Variants in KIAA0825 observed in about 807,000 individuals in gnomAD.
KIAA0825 encodes the protein KIAA0825, also known as uncharacterized protein KIAA0825.
In KIAA0825, 119 loss-of-function variants were observed where a neutral mutation model predicts 147.6. The observed-to-expected ratio is 0.81, with a 90% CI of 0.69 to 0.94. KIAA0825 has a LOEUF of 0.94. Among genes scored for constraint, KIAA0825 ranks in the 40% least tolerant of loss-of-function variants. The pLI is 0.00. For missense variants in KIAA0825, 1,381 were observed against 1,472.7 expected, an observed-to-expected ratio of 0.94 and a Z score of 1.02; for synonymous variants, 470 against 518.1, an observed-to-expected ratio of 0.91 and a Z score of 1.26.
intron 4 of KIAA0825, 55 bp from the exon 5 acceptor site, chr5:94,520,972 C>A (rs1309143062): frequency 7.5e-7 from 1 of 1,326,182 alleles, no homozygotes; most frequent in Non-Finnish European, 1.0e-6. Flanking sequence ...AAAATGATTT[C>A]TATAGTCATA....
intron 20 of KIAA0825, among the ~76,000 whole-genome samples, chr5:94,308,168 A>T (rs760505919): frequency 6.6e-6 from 1 of 151,786 alleles, no homozygotes; most frequent in Non-Finnish European, 1.5e-5. Flanking sequence ...AATGAAATGA[A>T]ATTCTACAAA....
At chr5:94,478,164 T>G (rs1762107605) in intron 6 of KIAA0825, among the ~76,000 whole-genome samples, 1 of 152,238 alleles carries the variant, frequency 6.6e-6, no homozygotes, top group African/African-American at 2.4e-5. Flanking sequence ...TAATTGTGAA[T>G]GATTTCTAAG....
intron 12 of KIAA0825, among the ~76,000 whole-genome samples, chr5:94,454,399 C>T (rs958314680): frequency 6.6e-6 from 1 of 152,176 alleles, no homozygotes; most frequent in Non-Finnish European, 1.5e-5. Flanking sequence ...TGACCCTTCT[C>T]TCCCCCTGGT....
At chr5:94,491,658 A>C (rs1763748369) in intron 5 of KIAA0825, among the ~76,000 whole-genome samples, 1 of 152,292 alleles carries the variant, frequency 6.6e-6, no homozygotes, top group Non-Finnish European at 1.5e-5. Context: ...CCTTTTCTTG[A>C]GGCATTATTG....
At chr5:94,281,304 A>G (rs1437528470) in intron 20 of KIAA0825, among the ~76,000 whole-genome samples, 7 of 152,034 alleles carry the variant, frequency 4.6e-5, no homozygotes. Flanking sequence ...CATAAATAAG[A>G]AAGTGGCATG....
intron 15 of KIAA0825, among the ~76,000 whole-genome samples, chr5:94,404,883 A>C (rs1012455833): frequency 1.3e-5 from 2 of 152,152 alleles, no homozygotes; most frequent in Non-Finnish European, 2.9e-5. Flanking sequence ...CCTCATTTAT[A>C]AAATGGTGAG....
chr5:94,386,455 T>C, intron 18 of KIAA0825, 51 bp from the exon 19 acceptor site: 1 of 1,456,240 alleles, frequency 6.9e-7, no homozygotes, highest in Non-Finnish European at 9.3e-7. Context: ...AGACATTCTC[T>C]GTAAAAATAA....
At chr5:94,572,672 T>C (rs1181986994) in intron 2 of KIAA0825, among the ~76,000 whole-genome samples, 1 of 152,178 alleles carries the variant, frequency 6.6e-6, no homozygotes, top group African/African-American at 2.4e-5. Flanking sequence ...TAGAACTATA[T>C]ATACAGCATA....
At chr5:94,407,600 A>G (rs974799866) in intron 15 of KIAA0825, among the ~76,000 whole-genome samples, 2 of 152,244 alleles carry the variant, frequency 1.3e-5, no homozygotes, top group African/African-American at 4.8e-5. Context: ...CAAAATGCAC[A>G]TACTGCATGA....
chr5:94,438,753 A>T (rs575507502), intron 14 of KIAA0825, among the ~76,000 whole-genome samples: 1 of 152,320 alleles, frequency 6.6e-6, no homozygotes, highest in African/African-American at 2.4e-5. Flanking sequence ...GAAAACAAAG[A>T]TTATCAGAAA....
chr5:94,584,140 G>A (rs1329373477), intron 1 of KIAA0825, among the ~76,000 whole-genome samples: 1 of 152,132 alleles, frequency 6.6e-6, no homozygotes, highest in Non-Finnish European at 1.5e-5. Flanking sequence ...TCCTCCAAAG[G>A]AACACAACTC....
At chr5:94,414,401 G>T (rs535782673) in intron 15 of KIAA0825, 1 of 152,060 alleles carries the variant, frequency 6.6e-6, no homozygotes, top group Non-Finnish European at 1.5e-5. Flanking sequence ...GAAAACATAG[G>T]TGTCCAATGA....
chr5:94,390,520 A>T (rs1290404393), intron 18 of KIAA0825, among the ~76,000 whole-genome samples: 6 of 152,186 alleles, frequency 3.9e-5, no homozygotes, highest in African/African-American at 1.4e-4. Context: ...TTACAAACTG[A>T]GCTCTCGTGC....
chr5:94,338,800 C>T (rs964301844), intron 20 of KIAA0825, among the ~76,000 whole-genome samples: 3 of 151,922 alleles, frequency 2.0e-5, no homozygotes, highest in Admixed American at 6.6e-5. Flanking sequence ...CATTTCTCAG[C>T]AATAAGCAAT....
intron 20 of KIAA0825, among the ~76,000 whole-genome samples, chr5:94,269,224 T>C (rs2150140597): frequency 6.6e-6 from 1 of 152,242 alleles, no homozygotes; most frequent in South Asian, 2.1e-4. Context: ...GGTTATAAGA[T>C]AGTATTTGAA....
At chr5:94,452,911 A>T in intron 13 of KIAA0825, 48 bp downstream of exon 13, 2 of 992,600 alleles carry the variant, frequency 2.0e-6, no homozygotes, top group Non-Finnish European at 2.8e-6. Flanking sequence ...ATTAAATTTT[A>T]AAAGGAATCA....
At chr5:94,475,743 A>T (rs1256632780) in intron 7 of KIAA0825, among the ~76,000 whole-genome samples, 3 of 152,174 alleles carry the variant, frequency 2.0e-5, no homozygotes, top group Non-Finnish European at 4.4e-5. Context: ...TGGGAGGCGG[A>T]GATTGCAGTG....
At chr5:94,595,623 C>T (rs1458870609) in intron 1 of KIAA0825, among the ~76,000 whole-genome samples, 2 of 152,214 alleles carry the variant, frequency 1.3e-5, no homozygotes, top group Non-Finnish European at 1.5e-5. Flanking sequence ...ACGCAAATTT[C>T]GGCAGCTGCT....
intron 20 of KIAA0825, among the ~76,000 whole-genome samples, chr5:94,231,395 C>A (rs1253750299): frequency 6.6e-6 from 1 of 151,986 alleles, no homozygotes; most frequent in East Asian, 1.9e-4. Context: ...CGATATCTTC[C>A]ATATTTGGGA....
Sources: allele counts gnomAD v4.1 joint callset (sites outside exome capture counted in the v4.1 genomes callset), GRCh38; gene constraint gnomAD v4.1.1; transcripts MANE v1.5; gene names NCBI Gene and HGNC (gene_info 2026-07-23, HGNC 2026-07-21).